CUL4B: variants seen among roughly 807,000 people sequenced by gnomAD.
CUL4B encodes the protein cullin-4B.
CUL4B carries 1 observed loss-of-function variant against 69.2 expected under a neutral mutation model. That is an observed-to-expected ratio of 0.01 (90% CI 0.01 to 0.07). The LOEUF (loss-of-function observed/expected upper bound fraction) is 0.07, where lower values mean the gene tolerates loss of function less well. Ranked by LOEUF, CUL4B falls within the 10% of genes least tolerant of loss-of-function variation. The pLI is 1.00. For missense variants in CUL4B, 328 were observed against 638.8 expected (o/e 0.51, Z 5.24); for synonymous variants, 237 against 223.2 (o/e 1.06, Z -0.55).
chrX:120,566,033 A>G (rs1256843654), upstream of CUL4B, among the ~76,000 whole-genome samples: 1 of 108,279 alleles, frequency 9.2e-6, no homozygotes, highest in Non-Finnish European at 1.9e-5. Flanking sequence ...CGGCCCAGGC[A>G]GTCCATTTTC....
intron 11 of CUL4B, 76 bp downstream of exon 11, chrX:120,540,294 G>C (rs1923913907): frequency 2.0e-6 from 2 of 976,788 alleles, no homozygotes; most frequent in East Asian, 6.2e-5. Context: ...ACTACAACCT[G>C]GTAAAAATTT....
In CUL4B at chrX:120,557,976, T is replaced by C; in HGVS notation, c.620A>G (p.Glu207Gly). The change falls in exon 2 of 20, where the codon GAA becomes GGA. Residue 207 changes from glutamate to glycine, a missense_variant. By Grantham distance (98) the Glu-to-Gly change is moderately conservative. Around this residue, in one of 4 missense-constraint regions of CUL4B, gnomAD observed 126 missense variants for 202.5 expected, o/e 0.62. Transcript: ENST00000371322. ...ETWQKLKEAV[E>G]AIQNSTSIKY... ...AATTGAAGTACTATTCTGAATAGCTTCCACTGCTTCTTTCAGTTTTTGCCA... is the reference window on the plus strand; with the variant it reads ...AATTGAAGTACTATTCTGAATAGCTCCCACTGCTTCTTTCAGTTTTTGCCA... The C allele has an allele frequency of 8.3e-7, 1 of 1,208,794 alleles. No individual in the cohort carries two copies. The highest frequency in any genetic ancestry group is 1.1e-6 in the Non-Finnish European group (1 of 893,367).
rs755523179 is a variant in CUL4B, at chrX:120,528,873, A to G, written c.2592+1229T>C. Reference sequence around the variant, plus strand: ...CTTGTAGCTTTATCTTCATGATTGCATTCTAAGCTCCTGGATGACAAAATT... The same window carrying G: ...CTTGTAGCTTTATCTTCATGATTGCGTTCTAAGCTCCTGGATGACAAAATT... On this transcript the variant is annotated intron_variant, in intron 19 of 19. Coordinates refer to ENST00000371322, the MANE Select transcript of CUL4B (RefSeq NM_001079872.2). 3.2e-3 allele frequency among the ~76,000 whole-genome samples: 362 copies of G among 112,328 alleles called. 3 individuals are homozygous for G. Among genetic ancestry groups the G allele is most frequent in the Non-Finnish European group, 5.9e-3 (312 of 53,300 alleles).
At chrX:120,529,649 A>C (rs762876614) in intron 19 of CUL4B, among the ~76,000 whole-genome samples, 5 of 111,871 alleles carry the variant, frequency 4.5e-5, no homozygotes, top group Admixed American at 2.9e-4. Flanking sequence ...AAAGATGCTT[A>C]ATCATGACTA....
intron 2 of CUL4B, among the ~76,000 whole-genome samples, chrX:120,555,866 C>T (rs1013267568): frequency 1.1e-4 from 11 of 101,284 alleles, no homozygotes; most frequent in African/African-American, 3.7e-4. Flanking sequence ...CACTTGAGCC[C>T]GGGAGGTGGA....
At chrX:120,546,720 T>A (rs1005057708) in intron 3 of CUL4B, 104 bp from the exon 4 acceptor site, 4 of 532,148 alleles carry the variant, frequency 7.5e-6, no homozygotes, top group African/African-American at 2.3e-5. Flanking sequence ...GCACACTAAG[T>A]GAAACTAAAT....
Position 120,526,509 on chromosome X carries a change from G to A in CUL4B, c.*252C>T, listed in dbSNP as rs1229230393. The A allele has an allele frequency of 5.8e-5, 13 of 224,790 alleles. No individual in the cohort carries two copies. The highest frequency in any genetic ancestry group is 1.1e-4 in the South Asian group (2 of 17,690). 18.5% of individuals were successfully genotyped at this position (224,790 alleles called of 1,213,427 possible). On this transcript the variant is annotated 3_prime_UTR_variant, in exon 20 of 20. Transcript: ENST00000371322. ...AGAGGAATTCATGAAGACCAGGTAC[G>A]TTCTTAAGTGTTTTCTGCACATCAT...
chrX:120,551,156 G>A (rs1344235642), intron 2 of CUL4B, among the ~76,000 whole-genome samples: 3 of 111,005 alleles, frequency 2.7e-5, no homozygotes, highest in Non-Finnish European at 5.7e-5. Flanking sequence ...TTTTTAGCAT[G>A]GTGTTCAAGG....
upstream of CUL4B, chrX:120,561,012 G>A: frequency 5.2e-6 from 5 of 965,445 alleles, no homozygotes; most frequent in Non-Finnish European, 6.5e-6. Flanking sequence ...GGAGGGGAGA[G>A]GCTGTGGTTG....
In CUL4B at chrX:120,535,703, T is replaced by A. The variant is rs779224877; in HGVS notation, c.2160+127A>T. On this transcript the variant is annotated intron_variant, in intron 16 of 19. Transcript: ENST00000371322. Reference sequence around the variant, plus strand: ...TCTGGTGACAGAGTGAGACTCTGTCTCAAAAAAAAAAAAAAAAAAAAAAAA... The same window carrying A: ...TCTGGTGACAGAGTGAGACTCTGTCACAAAAAAAAAAAAAAAAAAAAAAAA... 0.015 allele frequency: 4,241 copies of A among 281,509 alleles called. 23 individuals carry two copies. The highest frequency in any genetic ancestry group is 0.018 in the Non-Finnish European group (3,120 of 169,214). The allele number at this position is 281,509 out of a possible 1,213,427, so 23.2% of individuals were successfully genotyped here.
chrX:120,561,464 G>A, upstream of CUL4B: 1 of 469,835 alleles, frequency 2.1e-6, no homozygotes, highest in Admixed American at 2.7e-5. Context: ...GGGGGAGGGA[G>A]AAATTGGGGG....
intron 1 of CUL4B, among the ~76,000 whole-genome samples, chrX:120,558,775 A>G (rs1925123085): frequency 8.9e-6 from 1 of 111,858 alleles, no homozygotes; most frequent in African/African-American, 3.2e-5. Flanking sequence ...AGTTTTAATT[A>G]GAATATCCAA....
chrX:120,565,386 A>C (rs1912192033), upstream of CUL4B, among the ~76,000 whole-genome samples: 1 of 109,049 alleles, frequency 9.2e-6, no homozygotes, highest in Non-Finnish European at 1.9e-5. Flanking sequence ...CCAAAACAAA[A>C]CAAAACAGAA....
intron 8 of CUL4B, 133 bp downstream of exon 8, chrX:120,543,594 T>C: frequency 4.0e-6 from 2 of 502,333 alleles, no homozygotes; most frequent in Non-Finnish European, 7.0e-6. Context: ...AACTTGAAGT[T>C]TGTATTATGA....
intron 2 of CUL4B, among the ~76,000 whole-genome samples, chrX:120,556,312 C>T (rs1182061046): frequency 9.0e-6 from 1 of 111,443 alleles, no homozygotes; most frequent in Non-Finnish European, 1.9e-5. Flanking sequence ...GAGTATTTTG[C>T]GTGTACTAAT....
chrX:120,555,670 G>A (rs183790829), intron 2 of CUL4B, among the ~76,000 whole-genome samples: 1 of 110,391 alleles, frequency 9.1e-6, no homozygotes. Flanking sequence ...GGCCAGGCGC[G>A]GTGGCTCACA....
At position 120,575,015 on chromosome X, in the gene CUL4B, T is replaced by A. The variant is rs1925829267; in HGVS notation, c.-13-385A>T. On this transcript the variant is annotated intron_variant, in intron 1 of 2. Transcript: ENST00000486604. ...TATTTCTGGAGGTTCTTCAAAGTAC[T>A]ATCTCACTTATGATCTGAATCAGTC... Among the ~76,000 whole-genome samples the A allele has an allele frequency of 2.7e-5, 3 of 111,666 alleles. No individual in the cohort carries two copies. The South Asian group carries it at 1.1e-3, about 42-fold the overall frequency.
rs1269831494 is a variant in CUL4B, at chrX:120,524,840, CGGG to C, written c.*1918_*1920del. The C allele has an allele frequency of 3.6e-5, 4 of 111,036 alleles. No homozygotes were observed. The highest frequency in any genetic ancestry group is 1.3e-4 in the African/African-American group (4 of 30,460). 9.2% of individuals were successfully genotyped at this position (111,036 alleles called of 1,213,427 possible). ...CAAGTTTTCAAAGAATTAAGAGCCT[CGGG>C]GAGGGGACCCGCTTTCAAGATACTG... On this transcript the variant is annotated 3_prime_UTR_variant, in exon 20 of 20. Transcript: ENST00000371322.
intron 14 of CUL4B, among the ~76,000 whole-genome samples, chrX:120,537,727 T>C (rs1181943445): frequency 9.0e-6 from 1 of 111,594 alleles, no homozygotes; most frequent in African/African-American, 3.3e-5. Context: ...TTCAAAACTG[T>C]GGATCTAGCT....
Sources: gnomAD v4.1 joint callset for allele counts (sites outside exome capture counted in the v4.1 genomes callset) on GRCh38, gnomAD v4.1.1 for gene constraint, gnomAD v4.1.1 regional missense constraint, MANE v1.5 for transcripts, NCBI Gene and HGNC (gene_info 2026-07-23, HGNC 2026-07-21) for gene names.